BNC1: variants seen among roughly 807,000 people sequenced by gnomAD.
The protein encoded by BNC1 is basonuclin zinc finger protein 1, also known as zinc finger protein basonuclin-1.
BNC1 carries 8 observed loss-of-function variants against 66.5 expected under a neutral mutation model. The observed-to-expected ratio is 0.12, with a 90% CI of 0.07 to 0.22. BNC1 has a LOEUF of 0.22. Among genes scored for constraint, BNC1 ranks in the 10% least tolerant of loss-of-function variants. The pLI, the probability that BNC1 is intolerant of heterozygous loss-of-function variation, is 1.00. For synonymous variants in BNC1, 454 were observed against 452.6 expected (o/e 1.00, Z -0.04); for missense variants, 1,069 against 1,241.3 (o/e 0.86, Z 2.09).
chr15:83,278,780 A>C (rs1184466361), intron 1 of BNC1, among the ~76,000 whole-genome samples: 1 of 152,224 alleles, frequency 6.6e-6, no homozygotes, highest in African/African-American at 2.4e-5. Flanking sequence ...TTGATAAAAA[A>C]GTTCAAACCT....
chr15:83,275,900 T>C (rs1762888627), intron 1 of BNC1, among the ~76,000 whole-genome samples: 1 of 151,834 alleles, frequency 6.6e-6, no homozygotes, highest in Admixed American at 6.6e-5. Flanking sequence ...TTTTTATGTA[T>C]GAAATGAATA....
At chr15:83,278,189 G>A (rs2038345517) in intron 1 of BNC1, among the ~76,000 whole-genome samples, 1 of 152,188 alleles carries the variant, frequency 6.6e-6, no homozygotes, top group African/African-American at 2.4e-5. Flanking sequence ...ACATGGGGCA[G>A]ACACTCAACA....
chr15:83,261,290 T>C (rs2038137827), intron 4 of BNC1, among the ~76,000 whole-genome samples: 1 of 152,192 alleles, frequency 6.6e-6, no homozygotes, highest in Admixed American at 6.5e-5. Flanking sequence ...AATATAAACA[T>C]TTAACTAATA....
chr15:83,282,272 T>A (rs1305978695), intron 1 of BNC1, among the ~76,000 whole-genome samples: 1 of 152,226 alleles, frequency 6.6e-6, no homozygotes, highest in Non-Finnish European at 1.5e-5. Context: ...CAACCAACAG[T>A]TGACTTGAAA....
Position 83,263,863 on chromosome 15 carries a change from G to C in BNC1, c.1388C>G (p.Ser463Cys), listed in dbSNP as rs1203509879. The C allele has an allele frequency of 6.2e-7, 1 of 1,614,088 alleles. No individual in the cohort carries two copies. The highest frequency in any genetic ancestry group is 1.3e-5 in the African/African-American group (1 of 74,936). Residue 463 changes from serine (S) to cysteine (C), a missense_variant, in exon 4 of 5, where the codon TCC becomes TGC. Physicochemically the swap from Ser to Cys is moderately radical, Grantham distance 112. Coordinates refer to ENST00000345382, the MANE Select transcript of BNC1 (RefSeq NM_001717.4). ...GTTTGGGAAGGCTGGTTGGCCTTTG[G>C]AATCCTCTCCTGAACCAGGGTAGCT... ...PPSYPGSGEDSKGQPAFPNIG... is the reference protein window; with the variant it reads ...PPSYPGSGEDCKGQPAFPNIG...
chr15:83,284,575 CTCCCGGG>C lies in BNC1; in HGVS notation c.47_53del (p.Ala16GlyfsTer22), dbSNP rs2038424532. ...TGCGGTGCCGGGGCTGCCGGCGCGT[CTCCCGGG>C]CCCGGGCCGCCCCGCGTCCGCCCCG... On this transcript the variant is annotated frameshift_variant, in exon 1 of 5. Coordinates refer to ENST00000345382, the MANE Select transcript of BNC1 (RefSeq NM_001717.4). LOFTEE classifies it high-confidence loss of function. The C allele has an allele frequency of 9.3e-7, 1 of 1,071,882 alleles. No individual in the cohort carries two copies. The highest frequency in any genetic ancestry group is 5.5e-5 in the Admixed American group (1 of 18,244). The allele number at this position is 1,071,882 out of a possible 1,614,324, so 66.4% of individuals were successfully genotyped here. A position where few individuals can be genotyped will look rare whatever the true frequency, so the allele number is the denominator to read the frequency against.
At chr15:83,276,137 T>G (rs2038320591) in intron 1 of BNC1, among the ~76,000 whole-genome samples, 1 of 152,208 alleles carries the variant, frequency 6.6e-6, no homozygotes. Flanking sequence ...AGAGGCCTGT[T>G]AGCCATATTA....
chr15:83,279,342 T>C (rs1352472228), intron 1 of BNC1, among the ~76,000 whole-genome samples: 1 of 152,184 alleles, frequency 6.6e-6, no homozygotes, highest in Non-Finnish European at 1.5e-5. Context: ...ATTTTGATTG[T>C]TTGAAATCTT....
At chr15:83,261,297 A>G (rs2038137953) in intron 4 of BNC1, among the ~76,000 whole-genome samples, 1 of 152,162 alleles carries the variant, frequency 6.6e-6, no homozygotes, top group African/African-American at 2.4e-5. Context: ...ACATTTAACT[A>G]ATATCTCCTG....
At chr15:83,264,959 C>T in intron 3 of BNC1, 144 bp from the exon 4 acceptor site, 2 of 766,842 alleles carry the variant, frequency 2.6e-6, no homozygotes, top group Non-Finnish European at 4.1e-6. Context: ...TTAGTCCCTG[C>T]TCACCCTACT....
At chr15:83,280,826 G>A (rs2038370156) in intron 1 of BNC1, among the ~76,000 whole-genome samples, 1 of 152,182 alleles carries the variant, frequency 6.6e-6, no homozygotes, top group Non-Finnish European at 1.5e-5. Flanking sequence ...ATGAAAAAAT[G>A]TTAGAACCCT....
chr15:83,282,465 T>G (rs909566847), intron 1 of BNC1, among the ~76,000 whole-genome samples: 32 of 152,186 alleles, frequency 2.1e-4, no homozygotes, highest in Non-Finnish European at 2.2e-4. Flanking sequence ...GCAAATCAAA[T>G]CCAGTACAAT....
Position 83,263,834 on chromosome 15 carries a change from C to T in BNC1, c.1417G>A (p.Gly473Arg). 1 of 1,614,112 alleles carries T rather than the reference C, an allele frequency of 6.2e-7. No individual in the cohort carries two copies. The highest frequency in any genetic ancestry group is 1.1e-5 in the South Asian group (1 of 91,074). ...SKGQPAFPNI[G>R]QNGVLFPNLK... Reference sequence around the variant, plus strand: ...TTGGGAAAAAGCACACCATTTTGCCCAATGTTTGGGAAGGCTGGTTGGCCT... The same window carrying T: ...TTGGGAAAAAGCACACCATTTTGCCTAATGTTTGGGAAGGCTGGTTGGCCT... The change falls in exon 4 of 5, where the codon GGG becomes AGG. Residue 473 changes from glycine to arginine, a missense_variant. By Grantham distance (125) the Gly-to-Arg change is moderately radical (BLOSUM62 -2). This residue lies in a region of BNC1 where 657 missense variants were observed against 715.8 expected (regional missense o/e 0.92). Transcript: ENST00000345382.
chr15:83,268,533 T>C (rs765066369), intron 1 of BNC1, among the ~76,000 whole-genome samples: 4 of 152,150 alleles, frequency 2.6e-5, no homozygotes, highest in Admixed American at 6.5e-5. Flanking sequence ...ATTAAGCTCA[T>C]AGAAAGGGTA....
chr15:83,262,550 C>T (rs992903095), intron 4 of BNC1, among the ~76,000 whole-genome samples: 2 of 152,094 alleles, frequency 1.3e-5, no homozygotes, highest in Non-Finnish European at 2.9e-5. Context: ...AGTAGCCTCA[C>T]ATCACTTCAG....
chr15:83,278,681 G>C (rs2038350260), intron 1 of BNC1, among the ~76,000 whole-genome samples: 1 of 152,138 alleles, frequency 6.6e-6, no homozygotes, highest in Non-Finnish European at 1.5e-5. Flanking sequence ...TGAAGAACTG[G>C]AGTATCACCA....
intron 1 of BNC1, among the ~76,000 whole-genome samples, chr15:83,275,525 T>C (rs1365943010): frequency 6.7e-6 from 1 of 150,338 alleles, no homozygotes; most frequent in Non-Finnish European, 1.5e-5. Flanking sequence ...AAGAAAGCTA[T>C]GCTAATGATT....
chr15:83,281,331 G>A (rs1462074720), intron 1 of BNC1, among the ~76,000 whole-genome samples: 1 of 152,176 alleles, frequency 6.6e-6, no homozygotes, highest in Non-Finnish European at 1.5e-5. Context: ...ATCTCTCAGA[G>A]AAGTCATCAA....
rs141041272 is a variant in BNC1 at position 83,257,555 on chromosome 15, A to T, written c.2872T>A (p.Cys958Ser). ...ATGGTGTTGCAGCCTGGTACTTTGC[A>T]TTTGTGGAGCTGCCGGAGGTGCACA... ...KTVHLRQLHK[C>S]KVPGCNTMFS... Residue 958 changes from cysteine to serine, a missense_variant, in exon 5 of 5, where the codon TGC becomes AGC. By Grantham distance (112) the Cys-to-Ser change is moderately radical. This residue lies in a region of BNC1 where 657 missense variants were observed against 715.8 expected (regional missense o/e 0.92). Coordinates refer to ENST00000345382, the MANE Select transcript of BNC1 (RefSeq NM_001717.4). The T allele has an allele frequency of 6.2e-7, 1 of 1,613,926 alleles. No homozygotes were observed. The highest frequency in any genetic ancestry group is 8.5e-7 in the Non-Finnish European group (1 of 1,180,024).
Sources: gnomAD v4.1 joint callset for allele counts (sites outside exome capture counted in the v4.1 genomes callset) on GRCh38, gnomAD v4.1.1 for gene constraint, gnomAD v4.1.1 regional missense constraint, MANE v1.5 for transcripts, NCBI Gene and HGNC (gene_info 2026-07-23, HGNC 2026-07-21) for gene names.